Variants in SLC24A3 observed in about 807,000 individuals in gnomAD.
The protein encoded by SLC24A3 is solute carrier family 24 member 3.
SLC24A3 carries 28 observed loss-of-function variants against 75.8 expected under a neutral mutation model. The observed-to-expected ratio is 0.37, with a 90% CI of 0.27 to 0.51. The LOEUF (loss-of-function observed/expected upper bound fraction) is 0.51, where lower values mean the gene tolerates loss of function less well. SLC24A3 is among the 20% of genes least tolerant of loss of function. The pLI, the probability that SLC24A3 is intolerant of heterozygous loss-of-function variation, is 0.94. For missense variants in SLC24A3, 663 were observed against 847.8 expected (o/e 0.78, Z 2.71); for synonymous variants, 372 against 334.1 (o/e 1.11, Z -1.24).
chr20:19,336,151 T>C (rs1033230842), intron 2 of SLC24A3, among the ~76,000 whole-genome samples: 1 of 152,196 alleles, frequency 6.6e-6, no homozygotes. Flanking sequence ...GCACCAGCAT[T>C]ACTGTGTATT....
intron 1 of SLC24A3, among the ~76,000 whole-genome samples, chr20:19,228,538 G>C (rs990434038): frequency 1.3e-5 from 2 of 151,924 alleles, no homozygotes; most frequent in South Asian, 2.1e-4. Context: ...TCAGCTACTC[G>C]GGAGACTGAG....
rs71331865 is a variant in SLC24A3 at position 19,325,793 on chromosome 20, T to G, written c.271+44706T>G. Among the ~76,000 whole-genome samples the G allele has an allele frequency of 7.0e-3, 579 of 82,624 alleles. 2 individuals carry two copies. Among genetic ancestry groups the G allele is most frequent in the African/African-American group, 0.01 (215 of 21,418 alleles). The allele number at this position is 82,624 out of a possible 152,430, so 54.2% of individuals were successfully genotyped here. On this transcript the variant is annotated intron_variant, in intron 2 of 16. Transcript: ENST00000328041. ...ATATATATACATATATATATATATA[T>G]ATAGAGAGAGAGAGAGAGAGAGAGA...
At chr20:19,556,913 G>T (rs953354604) in intron 3 of SLC24A3, among the ~76,000 whole-genome samples, 1 of 152,038 alleles carries the variant, frequency 6.6e-6, no homozygotes, top group Non-Finnish European at 1.5e-5. Context: ...TTTTAAAAAA[G>T]TATTCATTTC....
chr20:19,517,831 C>T (rs2030025225), intron 3 of SLC24A3, among the ~76,000 whole-genome samples: 1 of 152,332 alleles, frequency 6.6e-6, no homozygotes, highest in South Asian at 2.1e-4. Context: ...ACACAACATA[C>T]ATGCCTGTGT....
intron 3 of SLC24A3, among the ~76,000 whole-genome samples, chr20:19,551,223 A>G (rs2030688020): frequency 6.6e-6 from 1 of 152,226 alleles, no homozygotes; most frequent in South Asian, 2.1e-4. Flanking sequence ...TGTGGGAGTC[A>G]GGACCTCACA....
At chr20:19,707,616 T>G (rs1462400644) in intron 15 of SLC24A3, among the ~76,000 whole-genome samples, 1 of 152,158 alleles carries the variant, frequency 6.6e-6, no homozygotes, top group African/African-American at 2.4e-5. Flanking sequence ...AAGGAGCTGA[T>G]GACAAAAAGA....
At chr20:19,637,051 G>A (rs998180641) in intron 6 of SLC24A3, among the ~76,000 whole-genome samples, 1 of 152,198 alleles carries the variant, frequency 6.6e-6, no homozygotes, top group African/African-American at 2.4e-5. Flanking sequence ...TAAAATCCCA[G>A]CACTTTGGGA....
At chr20:19,319,695 T>C (rs1984664355) in intron 2 of SLC24A3, among the ~76,000 whole-genome samples, 1 of 152,010 alleles carries the variant, frequency 6.6e-6, no homozygotes, top group Admixed American at 6.6e-5. Flanking sequence ...TAATGGGCCA[T>C]GGGGGAGGCG....
intron 3 of SLC24A3, among the ~76,000 whole-genome samples, chr20:19,562,596 T>C (rs373260497): frequency 2.2e-4 from 33 of 152,304 alleles, no homozygotes; most frequent in African/African-American, 7.2e-4. Flanking sequence ...AGCGTGAAGT[T>C]GAAAGTGCTG....
chr20:19,627,341 T>A (rs1460921622), intron 6 of SLC24A3, among the ~76,000 whole-genome samples: 2 of 152,250 alleles, frequency 1.3e-5, no homozygotes, highest in Non-Finnish European at 2.9e-5. Context: ...TTCTTCATTT[T>A]CTTGACTCTC....
chr20:19,214,070 T>C (rs1981484812), intron 1 of SLC24A3, among the ~76,000 whole-genome samples: 1 of 152,198 alleles, frequency 6.6e-6, no homozygotes. Context: ...CCGTAAAATA[T>C]TTTCAAAGGT....
At chr20:19,493,055 G>T (rs773865690) in intron 2 of SLC24A3, among the ~76,000 whole-genome samples, 2 of 152,232 alleles carry the variant, frequency 1.3e-5, no homozygotes, top group Non-Finnish European at 2.9e-5. Context: ...GGATCCTGAG[G>T]TTGCTTGTGA....
chr20:19,642,018 A>G (rs2032080531), intron 6 of SLC24A3, among the ~76,000 whole-genome samples: 1 of 152,190 alleles, frequency 6.6e-6, no homozygotes, highest in South Asian at 2.1e-4. Flanking sequence ...TCAAACTATG[A>G]TCCTCACTAA....
chr20:19,661,566 G>A (rs1388072306), intron 7 of SLC24A3, among the ~76,000 whole-genome samples: 2 of 152,202 alleles, frequency 1.3e-5, no homozygotes, highest in Non-Finnish European at 2.9e-5. Context: ...GAAGGAAAGA[G>A]TTTCAGGTTT....
chr20:19,617,836 G>A (rs557846810), intron 6 of SLC24A3, among the ~76,000 whole-genome samples: 16 of 152,212 alleles, frequency 1.1e-4, no homozygotes, highest in African/African-American at 3.1e-4. Flanking sequence ...TCCAGTCCAC[G>A]GTTCAGACGA....
chr20:19,608,875 T>G (rs1440165309), intron 6 of SLC24A3, among the ~76,000 whole-genome samples: 1 of 152,198 alleles, frequency 6.6e-6, no homozygotes, highest in Non-Finnish European at 1.5e-5. Context: ...ATTCATTACA[T>G]AAGCCAATTT....
At chr20:19,519,639 T>C (rs2030064968) in intron 3 of SLC24A3, among the ~76,000 whole-genome samples, 2 of 152,224 alleles carry the variant, frequency 1.3e-5, no homozygotes, top group Admixed American at 1.3e-4. Context: ...ATCTAATCTA[T>C]TATAACATTG....
At chr20:19,530,401 A>G (rs1000777687) in intron 3 of SLC24A3, among the ~76,000 whole-genome samples, 3 of 152,170 alleles carry the variant, frequency 2.0e-5, no homozygotes, top group Non-Finnish European at 4.4e-5. Context: ...GAACTGGTTC[A>G]GTGGTTAAAG....
chr20:19,720,089 C>T (rs1260707869), intron 16 of SLC24A3, among the ~76,000 whole-genome samples: 1 of 152,124 alleles, frequency 6.6e-6, no homozygotes. Flanking sequence ...CTGCCAATAG[C>T]AACATCTAGG....
Sources: allele counts gnomAD v4.1 joint callset (sites outside exome capture counted in the v4.1 genomes callset), GRCh38; gene constraint gnomAD v4.1.1; transcripts MANE v1.5; gene names NCBI Gene and HGNC (gene_info 2026-07-23, HGNC 2026-07-21).